Variants in CFAP54 observed in about 807,000 individuals in gnomAD.
The protein encoded by CFAP54 is cilia- and flagella-associated protein 54.
A neutral mutation model predicts 370.4 loss-of-function variants in CFAP54; 290 were observed. The observed-to-expected ratio is 0.78, with a 90% CI of 0.71 to 0.86. The LOEUF is 0.86. Among genes scored for constraint, CFAP54 ranks in the 40% least tolerant of loss-of-function variants. The pLI is 0.00. For missense variants in CFAP54, 3,399 were observed against 3,528.7 expected, an observed-to-expected ratio of 0.96 and a Z score of 0.93; for synonymous variants, 1,206 against 1,236.5, an observed-to-expected ratio of 0.98 and a Z score of 0.52.
intron 62 of CFAP54, among the ~76,000 whole-genome samples, chr12:96,787,113 A>AT (rs1397628410): frequency 6.6e-6 from 1 of 152,212 alleles, no homozygotes; most frequent in African/African-American, 2.4e-5. Flanking sequence ...TCTTGTTCTC[A>AT]TAAGTCTTTT....
At chr12:96,771,157 G>T (rs1012650365) in intron 60 of CFAP54, among the ~76,000 whole-genome samples, 1 of 152,170 alleles carries the variant, frequency 6.6e-6, no homozygotes, top group African/African-American at 2.4e-5. Context: ...ATTCAAATTA[G>T]GCCTTAACAG....
At chr12:96,859,640 T>C (rs984501726) in intron 66 of CFAP54, among the ~76,000 whole-genome samples, 2 of 152,040 alleles carry the variant, frequency 1.3e-5, no homozygotes, top group Admixed American at 6.6e-5. Flanking sequence ...CTCCTGACCT[T>C]GTGATCCTCC....
chr12:96,733,567 G>A (rs1237374915), intron 50 of CFAP54, among the ~76,000 whole-genome samples: 1 of 131,592 alleles, frequency 7.6e-6, no homozygotes, highest in African/African-American at 2.8e-5. Context: ...TTTAATAAGT[G>A]TTCCTTCCTA....
chr12:96,659,732 C>G (rs1209628883), intron 38 of CFAP54, among the ~76,000 whole-genome samples: 1 of 152,142 alleles, frequency 6.6e-6, no homozygotes. Context: ...CCAATCAGAC[C>G]CATTGCATAC....
At chr12:96,545,070 C>T (rs967904622) in intron 14 of CFAP54, among the ~76,000 whole-genome samples, 1 of 152,104 alleles carries the variant, frequency 6.6e-6, no homozygotes, top group African/African-American at 2.4e-5. Flanking sequence ...AGCCACCACA[C>T]CCAGCAATTT....
intron 63 of CFAP54, among the ~76,000 whole-genome samples, chr12:96,810,577 A>T (rs1319078423): frequency 6.6e-6 from 1 of 152,176 alleles, no homozygotes; most frequent in Non-Finnish European, 1.5e-5. Flanking sequence ...TAACAAGAGA[A>T]TGATTACCCA....
chr12:96,781,880 T>C (rs34465), intron 60 of CFAP54, among the ~76,000 whole-genome samples: 23,880 of 152,058 alleles, frequency 0.16, 2,307 homozygotes, highest in East Asian at 0.27. Flanking sequence ...GAACTAACTA[T>C]TAGAAGAACT....
intron 1 of CFAP54, among the ~76,000 whole-genome samples, chr12:96,493,066 A>T (rs1174125500): frequency 3.3e-5 from 5 of 152,206 alleles, no homozygotes; most frequent in Non-Finnish European, 7.3e-5. Flanking sequence ...GAAAGTAGAC[A>T]TGGGCCAGTC....
chr12:96,699,028 C>T lies in CFAP54; in HGVS notation c.6352-943C>T, dbSNP rs1358498442. On this transcript the variant is annotated intron_variant, in intron 45 of 67. Transcript: ENST00000524981. ...TCACCTCATGTAAATGAAGTGGTAG[C>T]CCACAATCAGTCTGATTGGTTGCAG... is the stretch of plus-strand genomic sequence containing the variant. Among the ~76,000 whole-genome samples, 4 of 152,200 alleles carry T rather than the reference C, an allele frequency of 2.6e-5. No individual in the cohort carries two copies. The East Asian group carries it at 5.8e-4, about 22-fold the overall frequency.
At chr12:96,615,559 A>G (rs1009043131) in intron 26 of CFAP54, among the ~76,000 whole-genome samples, 12 of 152,340 alleles carry the variant, frequency 7.9e-5, no homozygotes, top group Admixed American at 7.2e-4. Context: ...AGAAACTACC[A>G]TCAGAGTGAA....
At chr12:96,617,633 C>G (rs527867207) in intron 26 of CFAP54, among the ~76,000 whole-genome samples, 2 of 152,346 alleles carry the variant, frequency 1.3e-5, no homozygotes, top group African/African-American at 4.8e-5. Context: ...TACGATCACA[C>G]ACACATTAAT....
At chr12:96,715,881 C>T (rs140295668) in intron 48 of CFAP54, among the ~76,000 whole-genome samples, 629 of 152,088 alleles carry the variant, frequency 4.1e-3, no homozygotes, top group Middle Eastern at 6.8e-3. Flanking sequence ...ATGTTCCCTT[C>T]CTGGAGTTCA....
chr12:96,844,395 C>T (rs2136778930), intron 66 of CFAP54, among the ~76,000 whole-genome samples: 2 of 152,240 alleles, frequency 1.3e-5, no homozygotes, highest in South Asian at 4.1e-4. Flanking sequence ...GAAATACAGG[C>T]AGCCTCTAGA....
At chr12:96,652,485 A>G (rs997123151) in intron 36 of CFAP54, among the ~76,000 whole-genome samples, 3 of 152,222 alleles carry the variant, frequency 2.0e-5, no homozygotes, top group Non-Finnish European at 4.4e-5. Context: ...CCCTTGAGTA[A>G]CTAGTGAAAA....
At chr12:96,534,459 T>G (rs536489644) in intron 11 of CFAP54, among the ~76,000 whole-genome samples, 4 of 152,272 alleles carry the variant, frequency 2.6e-5, no homozygotes, top group African/African-American at 9.6e-5. Flanking sequence ...CTGGGCTTTG[T>G]AAGGATGCTA....
chr12:96,831,243 C>G (rs1959170292), intron 66 of CFAP54, among the ~76,000 whole-genome samples: 1 of 152,118 alleles, frequency 6.6e-6, no homozygotes, highest in Non-Finnish European at 1.5e-5. Flanking sequence ...TCTCCTAGAG[C>G]TACTATTTTT....
chr12:96,622,590 T>C (rs1463559889), intron 27 of CFAP54, among the ~76,000 whole-genome samples: 3 of 152,182 alleles, frequency 2.0e-5, no homozygotes, highest in Non-Finnish European at 4.4e-5. Flanking sequence ...CCTCAGGTGA[T>C]CCTCCCACCT....
intron 55 of CFAP54, among the ~76,000 whole-genome samples, chr12:96,747,647 TAGATGAAGATTTGGGATCTAG>T (rs1275470251): frequency 6.6e-6 from 1 of 152,220 alleles, no homozygotes; most frequent in Non-Finnish European, 1.5e-5. Context: ...GCAAGCTGGT[TAGATGAAGATTTGGGATCTAG>T]AGGATCCAGG....
chr12:96,658,880 A>G lies in CFAP54; in HGVS notation c.5460+534A>G, dbSNP rs12578644. 9.6e-3 allele frequency among the ~76,000 whole-genome samples: 1,456 copies of G among 152,300 alleles called. 56 individuals are homozygous for G. The East Asian group carries it at 0.1, about 10-fold the overall frequency. ...TCAGGGGAGCAAAACTCGTAAAGACAGGGCTATTTTATCTTTGGAGGGGAA... is the reference window on the plus strand; with the variant it reads ...TCAGGGGAGCAAAACTCGTAAAGACGGGGCTATTTTATCTTTGGAGGGGAA... On this transcript the variant is annotated intron_variant, in intron 38 of 67. Coordinates refer to ENST00000524981, the MANE Select transcript of CFAP54 (RefSeq NM_001306084.2).
Sources: gnomAD v4.1 joint callset for allele counts (sites outside exome capture counted in the v4.1 genomes callset) on GRCh38, gnomAD v4.1.1 for gene constraint, MANE v1.5 for transcripts, NCBI Gene and HGNC (gene_info 2026-07-23, HGNC 2026-07-21) for gene names.